Variants in VTI1A observed in about 807,000 individuals in gnomAD.
The protein encoded by VTI1A is vesicle transport through interaction with t-SNAREs homolog 1A.
In VTI1A, 22 loss-of-function variants were observed where a neutral mutation model predicts 34.9. The ratio of observed to expected loss-of-function variants is 0.63; its 90% CI spans 0.45 to 0.90. The LOEUF is 0.90. Ranked by LOEUF, VTI1A falls within the 40% of genes least tolerant of loss-of-function variation. The pLI, the probability that VTI1A is intolerant of heterozygous loss-of-function variation, is 0.00. For missense variants in VTI1A, 268 were observed against 275.6 expected, an observed-to-expected ratio of 0.97 and a Z score of 0.20; for synonymous variants, 87 against 97.3, an observed-to-expected ratio of 0.89 and a Z score of 0.62.
intron 7 of VTI1A, among the ~76,000 whole-genome samples, chr10:112,777,238 G>A (rs910547351): frequency 2.8e-4 from 43 of 152,176 alleles, no homozygotes. Context: ...AAATAAAAAA[G>A]ACAAGTTCCC....
intron 3 of VTI1A, among the ~76,000 whole-genome samples, chr10:112,517,720 A>G (rs1181406630): frequency 3.3e-5 from 5 of 152,064 alleles, no homozygotes; most frequent in African/African-American, 9.7e-5. Context: ...CAATCTAGTC[A>G]TGAGAAAAAT....
chr10:112,593,142 T>C (rs1455315626), intron 5 of VTI1A, among the ~76,000 whole-genome samples: 2 of 152,200 alleles, frequency 1.3e-5, no homozygotes, highest in East Asian at 3.8e-4. Flanking sequence ...TTCTGAAAAG[T>C]TTAGGTTAGA....
At chr10:112,671,743 A>G (rs1847856455) in intron 7 of VTI1A, 1 of 152,210 alleles carries the variant, frequency 6.6e-6, no homozygotes, top group African/African-American at 2.4e-5. Context: ...TGGAGAAATC[A>G]AAATAAGTAA....
the VTI1A span, among the ~76,000 whole-genome samples, chr10:112,847,561 A>G: frequency 1.3e-5 from 2 of 152,214 alleles, no homozygotes; most frequent in Non-Finnish European, 2.9e-5. Flanking sequence ...GGATTACAAG[A>G]GCCACTGAAT....
chr10:112,837,482 C>A, the VTI1A span, among the ~76,000 whole-genome samples: 1 of 152,170 alleles, frequency 6.6e-6, no homozygotes, highest in African/African-American at 2.4e-5. Context: ...AACCCTCCCC[C>A]ACAGCTCAAT....
intron 7 of VTI1A, among the ~76,000 whole-genome samples, chr10:112,781,367 G>A (rs892958139): frequency 6.6e-6 from 1 of 152,194 alleles, no homozygotes; most frequent in African/African-American, 2.4e-5. Flanking sequence ...GTCTGCCCCA[G>A]GTGTTGGTAC....
chr10:112,514,881 C>T (rs899439868), intron 3 of VTI1A, among the ~76,000 whole-genome samples: 15 of 151,864 alleles, frequency 9.9e-5, no homozygotes, highest in Admixed American at 7.2e-4. Flanking sequence ...TGGAGTATAT[C>T]GTTTTTTGCA....
chr10:112,815,139 G>GCGCATACACA, intron 7 of VTI1A, 151 bp from the exon 8 acceptor site: 1 of 179,040 alleles, frequency 5.6e-6, no homozygotes, highest in Non-Finnish European at 1.1e-5. Flanking sequence ...TTTCGCGCGC[G>GCGCATACACA]CACACACACA....
At chr10:112,462,324 A>T (rs1023114127) in intron 2 of VTI1A, among the ~76,000 whole-genome samples, 2 of 152,232 alleles carry the variant, frequency 1.3e-5, no homozygotes, top group Non-Finnish European at 2.9e-5. Context: ...ACAACATGGA[A>T]CAAGTGCACA....
rs181677009 is a variant in VTI1A, at chr10:112,502,529, C to T, written c.265-24558C>T. ...TGATAAATACAGTATATTAGAAGGACGTCTGCAGATGTTTATGTGTTGAAT... is the reference window on the plus strand; with the variant it reads ...TGATAAATACAGTATATTAGAAGGATGTCTGCAGATGTTTATGTGTTGAAT... On this transcript the variant is annotated intron_variant, in intron 3 of 7. Coordinates refer to ENST00000393077, the MANE Select transcript of VTI1A (RefSeq NM_145206.4). Among the ~76,000 whole-genome samples the T allele has an allele frequency of 2.6e-5, 4 of 152,232 alleles. No homozygotes were observed. In the East Asian group the frequency reaches 5.8e-4, roughly 22 times the overall value.
intron 5 of VTI1A, among the ~76,000 whole-genome samples, chr10:112,541,717 T>C (rs751079186): frequency 1.3e-5 from 2 of 152,244 alleles, no homozygotes; most frequent in Non-Finnish European, 2.9e-5. Context: ...TAGGCAGTCA[T>C]TGTCTCTTCT....
At chr10:112,725,407 A>AT (rs1278710901) in intron 7 of VTI1A, among the ~76,000 whole-genome samples, 1 of 152,186 alleles carries the variant, frequency 6.6e-6, no homozygotes, top group East Asian at 1.9e-4. Context: ...TGAGATGCAA[A>AT]TTCAACTGTA....
chr10:112,772,880 C>T (rs1191418786), intron 7 of VTI1A, among the ~76,000 whole-genome samples: 1 of 152,206 alleles, frequency 6.6e-6, no homozygotes, highest in Non-Finnish European at 1.5e-5. Flanking sequence ...CGGAACAAAA[C>T]TGACCGACTG....
chr10:112,604,464 C>T (rs1348930097), intron 5 of VTI1A, among the ~76,000 whole-genome samples: 5 of 152,094 alleles, frequency 3.3e-5, no homozygotes, highest in African/African-American at 9.7e-5. Flanking sequence ...TTTGCTTTCT[C>T]TTGTTTCTAT....
intron 5 of VTI1A, among the ~76,000 whole-genome samples, chr10:112,645,842 C>G (rs992319301): frequency 3.3e-5 from 5 of 151,726 alleles, no homozygotes; most frequent in African/African-American, 9.7e-5. Flanking sequence ...CTACTTATTT[C>G]ACTTGATCAT....
At chr10:112,492,417 A>G (rs539450013) in intron 3 of VTI1A, among the ~76,000 whole-genome samples, 2 of 152,310 alleles carry the variant, frequency 1.3e-5, no homozygotes, top group South Asian at 4.1e-4. Context: ...TGCCGCAGTC[A>G]GTAGTACTGT....
chr10:112,834,465 C>T, the VTI1A span, among the ~76,000 whole-genome samples: 1 of 152,170 alleles, frequency 6.6e-6, no homozygotes, highest in African/African-American at 2.4e-5. Flanking sequence ...AGACACCATC[C>T]CTAACCCCCT....
At chr10:112,641,562 G>A (rs760608298) in intron 5 of VTI1A, among the ~76,000 whole-genome samples, 15 of 152,044 alleles carry the variant, frequency 9.9e-5, no homozygotes, top group Non-Finnish European at 1.8e-4. Flanking sequence ...GATGATCTCA[G>A]GCAGAAACTC....
rs1263078575 is a variant in VTI1A at position 112,790,597 on chromosome 10, A to C, written c.561-24693A>C. On this transcript the variant is annotated intron_variant, in intron 7 of 7. Coordinates refer to ENST00000393077, the MANE Select transcript of VTI1A (RefSeq NM_145206.4). Reference sequence around the variant, plus strand: ...TGGGTTTTGCCCTCTGCTCCAAATCAAGTCAGCCTCTTCTGGCAGCCCCAC... The same window carrying C: ...TGGGTTTTGCCCTCTGCTCCAAATCCAGTCAGCCTCTTCTGGCAGCCCCAC... Among the ~76,000 whole-genome samples, 4 of 152,092 alleles carry C rather than the reference A, an allele frequency of 2.6e-5. No individual in the cohort carries two copies. In the East Asian group the frequency reaches 7.7e-4, roughly 29 times the overall value.
Sources: gnomAD v4.1 joint callset for allele counts (sites outside exome capture counted in the v4.1 genomes callset) on GRCh38, gnomAD v4.1.1 for gene constraint, MANE v1.5 for transcripts, NCBI Gene and HGNC (gene_info 2026-07-23, HGNC 2026-07-21) for gene names.